The following SLC22A4 variants were observed in gnomAD, a reference collection of about 807,000 sequenced individuals.
The protein encoded by SLC22A4 is solute carrier family 22 member 4.
SLC22A4 carries 39 observed loss-of-function variants against 56.6 expected under a neutral mutation model. That is an observed-to-expected ratio of 0.69 (90% CI 0.53 to 0.90). The LOEUF is 0.90. Among genes scored for constraint, SLC22A4 ranks in the 40% least tolerant of loss-of-function variants. The pLI is 0.00. For synonymous variants in SLC22A4, 241 were observed against 281.4 expected, an observed-to-expected ratio of 0.86 and a Z score of 1.44; for missense variants, 594 against 696.5, an observed-to-expected ratio of 0.85 and a Z score of 1.66.
At chr5:132,334,024 G>C (rs1044559414) in intron 6 of SLC22A4, among the ~76,000 whole-genome samples, 1 of 152,088 alleles carries the variant, frequency 6.6e-6, no homozygotes, top group Non-Finnish European at 1.5e-5. Flanking sequence ...GGCCAGGCTG[G>C]TCTCAAACTC....
rs910061092 is a variant in SLC22A4, at chr5:132,308,091, C to T, written c.394-4070C>T. Among the ~76,000 whole-genome samples the T allele has an allele frequency of 1.5e-4, 23 of 152,166 alleles. 1 individual carries two copies. The highest frequency in any genetic ancestry group is 1.3e-3 in the Admixed American group (20 of 15,268). ...ACTAGTCATCTAAAATATGATTATA[C>T]GGATTATTCAGGTTTTAGAACTCTG... On this transcript the variant is annotated intron_variant, in intron 1 of 9. Coordinates refer to ENST00000200652, the MANE Select transcript of SLC22A4 (RefSeq NM_003059.3).
chr5:132,310,015 G>T (rs1750142787), intron 1 of SLC22A4, among the ~76,000 whole-genome samples: 2 of 152,270 alleles, frequency 1.3e-5, no homozygotes, highest in South Asian at 4.1e-4. Context: ...AGTTCTTCTT[G>T]GCTCAGTCTG....
intron 1 of SLC22A4, among the ~76,000 whole-genome samples, chr5:132,307,647 A>G (rs1477946017): frequency 6.6e-6 from 1 of 152,164 alleles, no homozygotes; most frequent in African/African-American, 2.4e-5. Context: ...TTCCCATCCA[A>G]TGCACACAAC....
intron 1 of SLC22A4, among the ~76,000 whole-genome samples, chr5:132,303,078 C>T (rs148445697): frequency 1.3e-4 from 20 of 152,260 alleles, no homozygotes; most frequent in African/African-American, 4.3e-4. Flanking sequence ...GGATTTGTAT[C>T]TAGAATATAA....
chr5:132,306,866 T>G (rs1750053672), intron 1 of SLC22A4, among the ~76,000 whole-genome samples: 1 of 152,128 alleles, frequency 6.6e-6, no homozygotes, highest in Non-Finnish European at 1.5e-5. Context: ...CACTATATAT[T>G]GTATGATTCC....
intron 6 of SLC22A4, among the ~76,000 whole-genome samples, chr5:132,333,809 T>C (rs1296692112): frequency 6.6e-6 from 1 of 151,914 alleles, no homozygotes; most frequent in African/African-American, 2.4e-5. Context: ...TTTTTATTTA[T>C]GTTTTTATTT....
intron 5 of SLC22A4, among the ~76,000 whole-genome samples, chr5:132,328,838 T>TACACACACAC (rs200357854): frequency 5.1e-5 from 7 of 138,592 alleles, no homozygotes; most frequent in African/African-American, 1.6e-4. Context: ...TATATATATA[T>TACACACACAC]ACACACACAC....
At chr5:132,295,682 C>T (rs970684835) in intron 1 of SLC22A4, 14 of 198,996 alleles carry the variant, frequency 7.0e-5, no homozygotes, top group Non-Finnish European at 1.1e-5. Context: ...GGCAGGTTTT[C>T]TAAGTTCCAG....
Position 132,295,009 on chromosome 5 carries a change from G to T in SLC22A4, c.393G>T (p.Glu131Asp). Residue 131 changes from glutamate to aspartate, a missense_variant and splice_region_variant, in exon 1 of 10, where the codon GAG (glutamate) becomes GAT (aspartate). Transcript: ENST00000200652. ...QDVYLSTVVTEWNLVCEDNWK... is the reference protein window; with the variant it reads ...QDVYLSTVVTDWNLVCEDNWK... ...TCTACCTGTCCACCGTCGTGACCGA[G>T]GTGGGTGCCAGGCCGAGACCGTTGA... 1 of 1,604,872 alleles carries T rather than the reference G, an allele frequency of 6.2e-7. No individual in the cohort carries two copies.
intron 3 of SLC22A4, among the ~76,000 whole-genome samples, chr5:132,321,287 A>T (rs1750530471): frequency 6.6e-6 from 1 of 152,184 alleles, no homozygotes; most frequent in South Asian, 2.1e-4. Context: ...AGCATGCTGC[A>T]GGAAGGCCTG....
rs3840351 is a variant in SLC22A4 at position 132,332,730 on chromosome 5, GCACACACACACACA to G, written c.1046+904_1046+917del. On this transcript the variant is annotated intron_variant, in intron 6 of 9. Transcript: ENST00000200652. ...AGAAAATTCCTACTCTATGATGGCA[GCACACACACACACA>G]CACACACACACACACACACACACGA... Among the ~76,000 whole-genome samples the G allele has an allele frequency of 1.3e-4, 19 of 145,742 alleles. 1 individual carries two copies. The South Asian group carries it at 3.1e-3, about 24-fold the overall frequency.
intron 1 of SLC22A4, among the ~76,000 whole-genome samples, chr5:132,303,834 G>A (rs1462346687): frequency 6.6e-6 from 1 of 152,160 alleles, no homozygotes; most frequent in East Asian, 1.9e-4. Flanking sequence ...TAAATGGGCC[G>A]CTTTCCCTGC....
intron 1 of SLC22A4, among the ~76,000 whole-genome samples, chr5:132,302,840 T>G (rs1307794076): frequency 6.6e-6 from 1 of 152,218 alleles, no homozygotes; most frequent in East Asian, 1.9e-4. Context: ...ACTCACTGGT[T>G]CTTCTGCTTT....
At chr5:132,307,760 C>G (rs1164450627) in intron 1 of SLC22A4, among the ~76,000 whole-genome samples, 2 of 152,100 alleles carry the variant, frequency 1.3e-5, no homozygotes, top group African/African-American at 4.8e-5. Flanking sequence ...GTTGCAGACC[C>G]CGAGAAAGCC....
chr5:132,321,259 G>C (rs909274085), intron 3 of SLC22A4, among the ~76,000 whole-genome samples: 9 of 152,122 alleles, frequency 5.9e-5, no homozygotes, highest in Non-Finnish European at 1.3e-4. Context: ...GTGTCTGCCT[G>C]GGCTGATCTC....
chr5:132,340,479 T>G (rs1466140859), intron 8 of SLC22A4, 86 bp from the exon 9 acceptor site: 1 of 1,251,704 alleles, frequency 8.0e-7, no homozygotes, highest in East Asian at 2.3e-5. Flanking sequence ...TCTCTTATAC[T>G]GTTCACCAAC....
At chr5:132,325,211 C>T (rs1012796464) in intron 4 of SLC22A4, among the ~76,000 whole-genome samples, 6 of 152,200 alleles carry the variant, frequency 3.9e-5, no homozygotes, top group Middle Eastern at 3.2e-3. Context: ...CTGGCCCCAT[C>T]CATGAGGTAT....
chr5:132,312,127 T>C (rs777593711), intron 1 of SLC22A4, 34 bp from the exon 2 acceptor site: 5 of 1,329,516 alleles, frequency 3.8e-6, no homozygotes, highest in Non-Finnish European at 5.4e-6. Flanking sequence ...TGCCTCAGGG[T>C]TGGGCTCACG....
intron 1 of SLC22A4, chr5:132,295,428 C>T: frequency 2.5e-6 from 1 of 403,852 alleles, no homozygotes; most frequent in Non-Finnish European, 4.9e-6. Flanking sequence ...TGTCTGTTCC[C>T]TGGCCACAGA....
Sources: allele counts gnomAD v4.1 joint callset (sites outside exome capture counted in the v4.1 genomes callset), GRCh38; gene constraint gnomAD v4.1.1; transcripts MANE v1.5; gene names NCBI Gene and HGNC (gene_info 2026-07-23, HGNC 2026-07-21).